The following ZNF418 variants were observed in gnomAD, a reference collection of about 807,000 sequenced individuals.
ZNF418 encodes the protein zinc finger protein 418.
ZNF418 carries 32 observed loss-of-function variants against 32.0 expected under a neutral mutation model. The ratio of observed to expected loss-of-function variants is 1.00; its 90% CI spans 0.75 to 1.34. The LOEUF (loss-of-function observed/expected upper bound fraction) is 1.34, where lower values mean the gene tolerates loss of function less well. Ranked by LOEUF, ZNF418 falls within the 40% of genes most tolerant of loss-of-function variation. The probability of loss-of-function intolerance (pLI) is 0.00; values close to 1 mark genes in which losing one functional copy is unlikely to be tolerated. For missense variants in ZNF418, 804 were observed against 812.5 expected, an observed-to-expected ratio of 0.99 and a Z score of 0.13; for synonymous variants, 276 against 270.7, an observed-to-expected ratio of 1.02 and a Z score of -0.19.
At chr19:57,935,044 G>A (rs1253266436) in intron 1 of ZNF418, 117 bp downstream of exon 1, 108 of 1,372,058 alleles carry the variant, frequency 7.9e-5, no homozygotes, top group Non-Finnish European at 9.5e-5. Flanking sequence ...TCCCGCGAAC[G>A]CCTCAGTGTC....
At chr19:57,924,952 T>C (rs907589568) in intron 4 of ZNF418, among the ~76,000 whole-genome samples, 2 of 152,186 alleles carry the variant, frequency 1.3e-5, no homozygotes, top group African/African-American at 4.8e-5. Context: ...TCTGTCATCA[T>C]ACTGTCCCCT....
At position 57,927,313 on chromosome 19, in the gene ZNF418, C is replaced by G. The variant is rs542331520; in HGVS notation, c.868G>C (p.Glu290Gln). ...HTGKRPYECGECGKSFSHKGS... is the reference protein window; with the variant it reads ...HTGKRPYECGQCGKSFSHKGS... The stretch of plus-strand genomic sequence containing the variant: ...TTATGACTAAAAGATTTCCCACATT[C>G]TCCACATTCATAAGGTCTTTTCCCA... Residue 290 changes from glutamate (E) to glutamine (Q), a missense_variant, in exon 4 of 6, where the codon GAA becomes CAA. Coordinates refer to ENST00000396147, the MANE Select transcript of ZNF418 (RefSeq NM_133460.3). 2.4e-5 allele frequency: 38 copies of G among 1,614,112 alleles called. 1 individual carries two copies. The South Asian group carries it at 4.1e-4, about 17-fold the overall frequency.
chr19:57,934,270 G>A (rs1052579112), intron 1 of ZNF418: 2 of 1,009,914 alleles, frequency 2.0e-6, no homozygotes, highest in Non-Finnish European at 2.4e-6. Context: ...TTGTTGCCCA[G>A]GCCGGAGTGC....
chr19:57,931,617 G>A (rs1206738959), intron 2 of ZNF418, among the ~76,000 whole-genome samples: 1 of 152,202 alleles, frequency 6.6e-6, no homozygotes, highest in Non-Finnish European at 1.5e-5. Flanking sequence ...GTTTCTTTTA[G>A]TCAGGTTCTC....
chr19:57,924,056 G>C (rs1054617195), intron 4 of ZNF418, among the ~76,000 whole-genome samples: 2 of 151,782 alleles, frequency 1.3e-5, no homozygotes, highest in African/African-American at 4.9e-5. Flanking sequence ...TGAGGGAAAA[G>C]GATTGCTTGA....
At chr19:57,923,539 TACACACACAC>T (rs34833982) in intron 4 of ZNF418, among the ~76,000 whole-genome samples, 10 of 144,020 alleles carry the variant, frequency 6.9e-5, no homozygotes, top group East Asian at 2.0e-4. Flanking sequence ...TATATATACA[TACACACACAC>T]ACACACACAC....
chr19:57,932,474 T>C, intron 2 of ZNF418: 1 of 1,535,440 alleles, frequency 6.5e-7, no homozygotes, highest in South Asian at 1.2e-5. Context: ...TCCCAAGTCA[T>C]TCTATGAAGG....
chr19:57,932,420 C>A, intron 2 of ZNF418: 2 of 1,534,884 alleles, frequency 1.3e-6, no homozygotes, highest in Non-Finnish European at 1.7e-6. Context: ...CAAACAGGAT[C>A]CAATATTACC....
At chr19:57,925,272 A>G (rs1220738888) in intron 4 of ZNF418, among the ~76,000 whole-genome samples, 2 of 152,232 alleles carry the variant, frequency 1.3e-5, no homozygotes, top group Non-Finnish European at 1.5e-5. Flanking sequence ...CATCCTGGCT[A>G]ACACGGAGAA....
Position 57,928,033 on chromosome 19 carries a change from A to T in ZNF418, c.148T>A (p.Ser50Thr). The change falls in exon 4 of 6, where the codon TCA becomes ACA. Residue 50 changes from serine (S) to threonine (T), a missense_variant. Coordinates refer to ENST00000396147, the MANE Select transcript of ZNF418 (RefSeq NM_133460.3). The stretch of plus-strand genomic sequence containing the variant: ...TTAGAAGGTGCCTCCTCATCTTCTG[A>T]TCCACACCAACAACCTGAAAGCAAG... ...LISSLGCWCG[S>T]EDEEAPSKKS... 1 of 1,536,870 alleles carries T rather than the reference A, an allele frequency of 6.5e-7. No homozygotes were observed. Among genetic ancestry groups the T allele is most frequent in the Non-Finnish European group, 8.8e-7 (1 of 1,139,704 alleles).
At chr19:57,922,968 C>G (rs1203855413) in intron 5 of ZNF418, among the ~76,000 whole-genome samples, 3 of 146,794 alleles carry the variant, frequency 2.0e-5, no homozygotes, top group Non-Finnish European at 4.5e-5. Context: ...TCACTGTACT[C>G]CAGCCTGGGC....
At chr19:57,934,789 C>A in intron 1 of ZNF418, 1 of 278,786 alleles carries the variant, frequency 3.6e-6, no homozygotes, top group Non-Finnish European at 6.7e-6. Context: ...CCTTAAAAGC[C>A]TGGACTTGGA....
intron 3 of ZNF418, among the ~76,000 whole-genome samples, chr19:57,928,911 G>A (rs972216574): frequency 9.9e-5 from 15 of 152,034 alleles, no homozygotes; most frequent in Non-Finnish European, 1.9e-4. Context: ...GGAGAATGGC[G>A]TGAACCCAGG....
At chr19:57,932,758 C>A (rs1485018955) in intron 2 of ZNF418, 1 of 618,256 alleles carries the variant, frequency 1.6e-6, no homozygotes, top group Non-Finnish European at 2.4e-6. Flanking sequence ...GAGCATGTAT[C>A]CACCAGGCCG....
intron 3 of ZNF418, 45 bp downstream of exon 3, chr19:57,930,383 G>A (rs2072434473): frequency 1.9e-6 from 3 of 1,613,160 alleles, no homozygotes; most frequent in African/African-American, 1.3e-5. Flanking sequence ...AAAGGGGAAG[G>A]GCAGAGATCT....
chr19:57,931,554 G>A (rs1410563320), intron 2 of ZNF418, among the ~76,000 whole-genome samples: 4 of 152,112 alleles, frequency 2.6e-5, no homozygotes, highest in Non-Finnish European at 5.9e-5. Flanking sequence ...AGCCCAACAT[G>A]ACATCCCCCA....
chr19:57,931,463 T>C (rs2072485335), intron 2 of ZNF418, among the ~76,000 whole-genome samples: 1 of 151,812 alleles, frequency 6.6e-6, no homozygotes, highest in Non-Finnish European at 1.5e-5. Flanking sequence ...CGGCCTCCCA[T>C]AGTGCTGGGA....
chr19:57,929,680 G>A (rs1439925848), intron 3 of ZNF418, among the ~76,000 whole-genome samples: 1 of 145,642 alleles, frequency 6.9e-6, no homozygotes, highest in Non-Finnish European at 1.5e-5. Flanking sequence ...ACTAAAAACA[G>A]AATTTCTTTT....
chr19:57,929,464 T>C lies in ZNF418; in HGVS notation c.133+964A>G, dbSNP rs560410374. ...GATGATGTAAGTACTAAGGCAAAGA[T>C]AGGGCAGAACTGGGGCAACTAGCCT... On this transcript the variant is annotated intron_variant, in intron 3 of 5. Transcript: ENST00000396147. Among the ~76,000 whole-genome samples, 13 of 152,200 alleles carry C rather than the reference T, an allele frequency of 8.5e-5. No homozygotes were observed. The East Asian group carries it at 1.4e-3, about 16-fold the overall frequency.
Sources: allele counts gnomAD v4.1 joint callset (sites outside exome capture counted in the v4.1 genomes callset), GRCh38; gene constraint gnomAD v4.1.1; transcripts MANE v1.5; gene names NCBI Gene and HGNC (gene_info 2026-07-23, HGNC 2026-07-21).